SI: variants seen among roughly 807,000 people sequenced by gnomAD.
SI encodes sucrase-isomaltase.
SI carries 235 observed loss-of-function variants against 253.3 expected under a neutral mutation model. The observed-to-expected ratio is 0.93, with a 90% CI of 0.83 to 1.03. The LOEUF is 1.03. Ranked by LOEUF, SI falls within the 50% of genes least tolerant of loss-of-function variation. SI has a pLI of 0.00. For missense variants in SI, 2,442 were observed against 2,211.1 expected (o/e 1.10, Z -2.09); for synonymous variants, 819 against 712.0 (o/e 1.15, Z -2.39).
At chr3:164,997,439 TTTC>T (rs1421035840) in intron 38 of SI, among the ~76,000 whole-genome samples, 2 of 141,586 alleles carry the variant, frequency 1.4e-5, no homozygotes, top group African/African-American at 6.0e-5. Flanking sequence ...GTTCGAAATG[TTTC>T]TTTTTTTTTT....
At chr3:165,089,468 G>C in the SI span, among the ~76,000 whole-genome samples, 8 of 152,046 alleles carry the variant, frequency 5.3e-5, no homozygotes, top group African/African-American at 1.9e-4. Context: ...AACTGGAAGT[G>C]AATCTGCCAA....
intron 28 of SI, 43 bp from the exon 29 acceptor site, chr3:165,018,109 A>G (rs778017291): frequency 1.8e-6 from 2 of 1,085,220 alleles, no homozygotes; most frequent in Non-Finnish European, 1.4e-6. Context: ...AAGTAACAAT[A>G]GCATGTGAAT....
intron 15 of SI, among the ~76,000 whole-genome samples, chr3:165,048,569 A>ATATATATATACATATATATATG (rs1713252021): frequency 1.8e-5 from 1 of 55,306 alleles, no homozygotes; most frequent in Non-Finnish European, 3.8e-5. Flanking sequence ...ATATATATGT[A>ATATATATATACATATATATATG]TATATATATA....
intron 38 of SI, 62 bp downstream of exon 38, chr3:164,998,477 CA>C (rs1323071065): frequency 5.8e-6 from 9 of 1,544,686 alleles, no homozygotes; most frequent in Non-Finnish European, 8.0e-6. Context: ...GACCTAGCAC[CA>C]GCAAAAGTGA....
intron 37 of SI, among the ~76,000 whole-genome samples, chr3:165,003,400 C>A (rs905640641): frequency 6.6e-6 from 1 of 152,002 alleles, no homozygotes; most frequent in South Asian, 2.1e-4. Context: ...TATTGTGTTC[C>A]AGCAGGGTTA....
At chr3:165,035,354 A>G (rs1031180225) in intron 22 of SI, among the ~76,000 whole-genome samples, 1 of 151,944 alleles carries the variant, frequency 6.6e-6, no homozygotes, top group Admixed American at 6.6e-5. Flanking sequence ...TTGCATTGAG[A>G]AAATCACCCA....
intron 3 of SI, among the ~76,000 whole-genome samples, chr3:165,073,677 G>A (rs1714747559): frequency 1.3e-5 from 2 of 151,814 alleles, no homozygotes; most frequent in African/African-American, 4.8e-5. Context: ...TGCATCTGTG[G>A]ATACAACAAA....
intron 25 of SI, among the ~76,000 whole-genome samples, chr3:165,028,666 C>G (rs191986085): frequency 6.7e-6 from 1 of 149,980 alleles, no homozygotes; most frequent in Non-Finnish European, 1.5e-5. Context: ...TTCGATAAAG[C>G]AGACAAAAAC....
At chr3:165,000,157 G>A (rs1192076852) in intron 37 of SI, among the ~76,000 whole-genome samples, 1 of 151,280 alleles carries the variant, frequency 6.6e-6, no homozygotes, top group Admixed American at 6.6e-5. Flanking sequence ...TTATTTACAA[G>A]GACAGTGTTG....
chr3:165,044,893 G>A (rs919755775), intron 16 of SI, among the ~76,000 whole-genome samples: 3 of 151,882 alleles, frequency 2.0e-5, no homozygotes, highest in Admixed American at 2.0e-4. Context: ...TACACACATA[G>A]GTCCCTTAAT....
chr3:165,087,247 G>C, the SI span, among the ~76,000 whole-genome samples: 1 of 152,070 alleles, frequency 6.6e-6, no homozygotes, highest in Non-Finnish European at 1.5e-5. Context: ...CAGAATCACT[G>C]AGTAGACCAC....
At chr3:165,056,985 G>A (rs1373206610) in intron 12 of SI, among the ~76,000 whole-genome samples, 2 of 151,856 alleles carry the variant, frequency 1.3e-5, no homozygotes, top group Non-Finnish European at 2.9e-5. Context: ...TTCACAAAAC[G>A]AACTAAATAA....
chr3:165,065,995 T>A (rs2108094479), intron 6 of SI, among the ~76,000 whole-genome samples: 1 of 152,052 alleles, frequency 6.6e-6, no homozygotes. Flanking sequence ...GCATATACAG[T>A]CAGCCCTCCA....
chr3:165,068,248 T>C (rs929628879), intron 5 of SI, among the ~76,000 whole-genome samples: 18 of 152,270 alleles, frequency 1.2e-4, no homozygotes, highest in African/African-American at 4.1e-4. Flanking sequence ...CTTCAAGGCA[T>C]TAAGCTAAAT....
chr3:164,992,513 A>G (rs1180425517), intron 41 of SI, 116 bp from the exon 42 acceptor site: 2 of 720,676 alleles, frequency 2.8e-6, no homozygotes, highest in African/African-American at 1.8e-5. Context: ...TAAAATAAAA[A>G]CAAAACTGTA....
intron 12 of SI, among the ~76,000 whole-genome samples, chr3:165,057,928 C>G (rs1365444685): frequency 6.6e-6 from 1 of 151,882 alleles, no homozygotes; most frequent in Non-Finnish European, 1.5e-5. Flanking sequence ...TTATTATAAA[C>G]TAAGTGGACC....
At chr3:165,069,787 T>C (rs1714439925) in intron 3 of SI, among the ~76,000 whole-genome samples, 1 of 151,868 alleles carries the variant, frequency 6.6e-6, no homozygotes, top group African/African-American at 2.4e-5. Flanking sequence ...GGAAATACTA[T>C]CTGAAGTGAA....
chr3:165,088,857 C>T, the SI span, among the ~76,000 whole-genome samples: 1 of 151,632 alleles, frequency 6.6e-6, no homozygotes, highest in Non-Finnish European at 1.5e-5. Flanking sequence ...TACATAGATA[C>T]TAAGAACTAA....
intron 37 of SI, 91 bp downstream of exon 37, chr3:165,006,725 A>G: frequency 8.9e-7 from 1 of 1,119,594 alleles, no homozygotes; most frequent in South Asian, 1.3e-5. Context: ...GAGATACAAG[A>G]GAAGATTGTC....
Sources: allele counts gnomAD v4.1 joint callset (sites outside exome capture counted in the v4.1 genomes callset), GRCh38; gene constraint gnomAD v4.1.1; transcripts MANE v1.5; gene names NCBI Gene and HGNC (gene_info 2026-07-23, HGNC 2026-07-21).